MEGF10: variants seen among roughly 807,000 people sequenced by gnomAD.
MEGF10 encodes the protein multiple epidermal growth factor-like domains protein 10.
In MEGF10, 86 loss-of-function variants were observed where a neutral mutation model predicts 147.5. The observed-to-expected ratio is 0.58, with a 90% confidence interval of 0.49 to 0.70. The LOEUF is 0.70. Among genes scored for constraint, MEGF10 ranks in the 30% least tolerant of loss-of-function variants. The pLI is 0.00. For synonymous variants in MEGF10, 478 were observed against 525.5 expected (o/e 0.91, Z 1.24); for missense variants, 1,329 against 1,487.3 (o/e 0.89, Z 1.75).
intron 13 of MEGF10, among the ~76,000 whole-genome samples, chr5:127,429,402 T>G (rs1443606037): frequency 1.3e-5 from 2 of 152,174 alleles, no homozygotes; most frequent in Non-Finnish European, 2.9e-5. Flanking sequence ...CTGGTTTGAG[T>G]GAAGACTTAT....
At chr5:127,351,721 C>T (rs182964366) in intron 4 of MEGF10, among the ~76,000 whole-genome samples, 143 of 152,302 alleles carry the variant, frequency 9.4e-4, no homozygotes, top group South Asian at 2.1e-3. Context: ...ACAAGGGCAT[C>T]TTTATTCTGC....
the MEGF10 span, among the ~76,000 whole-genome samples, chr5:127,251,344 G>C: frequency 6.6e-6 from 1 of 152,028 alleles, no homozygotes; most frequent in South Asian, 2.1e-4. Context: ...CACAGTAGCT[G>C]TGCGTTCTTG....
chr5:127,258,195 T>C, the MEGF10 span, among the ~76,000 whole-genome samples: 39 of 152,324 alleles, frequency 2.6e-4, no homozygotes, highest in African/African-American at 9.1e-4. Context: ...AATCTCAGAA[T>C]TGAGACCAAG....
intron 13 of MEGF10, among the ~76,000 whole-genome samples, chr5:127,432,750 G>A (rs576914045): frequency 5.3e-5 from 8 of 151,926 alleles, no homozygotes; most frequent in Non-Finnish European, 1.0e-4. Context: ...CATAATAATC[G>A]ATAGCATAGA....
At chr5:127,268,658 G>T in the MEGF10 span, among the ~76,000 whole-genome samples, 1 of 152,314 alleles carries the variant, frequency 6.6e-6, no homozygotes, top group African/African-American at 2.4e-5. Flanking sequence ...CCCCACCTCT[G>T]GGGGTAGGGC....
intron 13 of MEGF10, chr5:127,424,662 A>G (rs1765151418): frequency 1.2e-6 from 1 of 848,720 alleles, no homozygotes; most frequent in South Asian, 4.6e-5. Context: ...GGCTGGTGCA[A>G]TGGACTTTAT....
intron 4 of MEGF10, among the ~76,000 whole-genome samples, chr5:127,348,861 C>T (rs879396351): frequency 3.6e-4 from 55 of 152,110 alleles, no homozygotes; most frequent in Non-Finnish European, 4.0e-4. Context: ...GACAAACCTT[C>T]CCATATACTT....
chr5:127,401,898 C>T (rs1392695126), intron 7 of MEGF10, among the ~76,000 whole-genome samples: 2 of 152,112 alleles, frequency 1.3e-5, no homozygotes, highest in Non-Finnish European at 2.9e-5. Context: ...ATAAGTTTTC[C>T]TATTGATCTT....
chr5:127,261,805 G>A, the MEGF10 span, among the ~76,000 whole-genome samples: 1 of 152,014 alleles, frequency 6.6e-6, no homozygotes, highest in Non-Finnish European at 1.5e-5. Flanking sequence ...TGCCTTCTTA[G>A]TGGGTATGAA....
At chr5:127,401,141 C>A (rs1354232772) in intron 7 of MEGF10, among the ~76,000 whole-genome samples, 1 of 152,170 alleles carries the variant, frequency 6.6e-6, no homozygotes, top group East Asian at 1.9e-4. Flanking sequence ...TTCACCCCTT[C>A]TTACCACAGA....
intron 1 of MEGF10, among the ~76,000 whole-genome samples, chr5:127,318,553 G>A (rs1371645013): frequency 1.3e-5 from 2 of 152,136 alleles, no homozygotes; most frequent in African/African-American, 4.8e-5. Context: ...GTAGCCAGAT[G>A]ATATGCTTTA....
At chr5:127,446,017 G>A (rs1561652283) in intron 20 of MEGF10, among the ~76,000 whole-genome samples, 1 of 152,134 alleles carries the variant, frequency 6.6e-6, no homozygotes. Flanking sequence ...GAGGAAGAGA[G>A]GATGATAAGT....
At chr5:127,421,006 C>G (rs1244521000) in intron 12 of MEGF10, among the ~76,000 whole-genome samples, 5 of 152,172 alleles carry the variant, frequency 3.3e-5, no homozygotes, top group African/African-American at 1.2e-4. Flanking sequence ...TCTTGTCTCT[C>G]TGGGCTTCCT....
Position 127,369,951 on chromosome 5 carries a change from C to T in MEGF10, c.361C>T (p.Pro121Ser), listed in dbSNP as rs1762792287. The change falls in exon 5 of 25, where the codon CCA becomes TCA. Residue 121 changes from proline to serine, a missense_variant. Pro to Ser is a moderately conservative substitution (Grantham distance 74). Coordinates refer to ENST00000503335, the MANE Select transcript of MEGF10 (RefSeq NM_001256545.2). ...ATGTGTCCATGGTCGCTGTATTGCT[C>T]CAAACACCTGTCAGTGTGAGCCTGG... Reference protein sequence around the residue: ...DKCVHGRCIAPNTCQCEPGWG... With the variant: ...DKCVHGRCIASNTCQCEPGWG... 1 of 1,613,022 alleles carries T rather than the reference C, an allele frequency of 6.2e-7. No individual in the cohort carries two copies. Among genetic ancestry groups the T allele is most frequent in the East Asian group, 2.2e-5 (1 of 44,792 alleles).
the MEGF10 span, among the ~76,000 whole-genome samples, chr5:127,265,693 T>C: frequency 6.6e-6 from 1 of 152,242 alleles, no homozygotes; most frequent in East Asian, 1.9e-4. Flanking sequence ...TTTTTTCATG[T>C]GTCTGTTGGC....
chr5:127,419,657 T>A (rs1187422380), intron 11 of MEGF10, among the ~76,000 whole-genome samples: 1 of 152,124 alleles, frequency 6.6e-6, no homozygotes, highest in Admixed American at 6.5e-5. Context: ...GCTTTAAAGA[T>A]GGTGTTGTGT....
chr5:127,243,592 C>G, the MEGF10 span, among the ~76,000 whole-genome samples: 2 of 152,086 alleles, frequency 1.3e-5, no homozygotes, highest in African/African-American at 2.4e-5. Flanking sequence ...AAGATGGTAT[C>G]CTGATTACAT....
intron 13 of MEGF10, among the ~76,000 whole-genome samples, chr5:127,432,098 T>C (rs1765401952): frequency 6.6e-6 from 1 of 152,188 alleles, no homozygotes. Flanking sequence ...ATGGTCCGAA[T>C]GAAATAAAAG....
chr5:127,396,616 C>A lies in MEGF10; in HGVS notation c.497C>A (p.Ala166Asp), dbSNP rs1763924300. Reference protein sequence around the residue: ...NGALCNPITGACHCAAGFRGW... With the variant: ...NGALCNPITGDCHCAAGFRGW... ...GCTCTGTGCAACCCCATCACCGGGG[C>A]TTGCCACTGTGCTGCGGGCTTCCGG... Residue 166 changes from alanine to aspartate, a missense_variant, in exon 6 of 25, where the codon GCT becomes GAT. Around this residue, in one of 3 missense-constraint regions of MEGF10, gnomAD observed 980 missense variants for 1,085.9 expected, o/e 0.90. Coordinates refer to ENST00000503335, the MANE Select transcript of MEGF10 (RefSeq NM_001256545.2). 1 of 1,613,418 alleles carries A rather than the reference C, an allele frequency of 6.2e-7. No homozygotes were observed. Among genetic ancestry groups the A allele is most frequent in the Non-Finnish European group, 8.5e-7 (1 of 1,179,646 alleles).
Sources: gnomAD v4.1 joint callset for allele counts (sites outside exome capture counted in the v4.1 genomes callset) on GRCh38, gnomAD v4.1.1 for gene constraint, gnomAD v4.1.1 regional missense constraint, MANE v1.5 for transcripts, NCBI Gene and HGNC (gene_info 2026-07-23, HGNC 2026-07-21) for gene names.